The following CNNM1 variants were observed in gnomAD, a reference collection of about 807,000 sequenced individuals.
The protein encoded by CNNM1 is metal transporter CNNM1.
A neutral mutation model predicts 78.8 loss-of-function variants in CNNM1; 44 were observed. That is an observed-to-expected ratio of 0.56 (90% CI 0.44 to 0.72). The LOEUF is 0.72. Ranked by LOEUF, CNNM1 falls within the 30% of genes least tolerant of loss-of-function variation. The pLI is 0.00. For missense variants in CNNM1, 1,101 were observed against 1,292.2 expected (o/e 0.85, Z 2.27); for synonymous variants, 584 against 581.5 (o/e 1.00, Z -0.06).
chr10:99,385,187 C>T (rs1337610407), intron 7 of CNNM1, among the ~76,000 whole-genome samples: 2 of 152,166 alleles, frequency 1.3e-5, no homozygotes, highest in Non-Finnish European at 2.9e-5. Flanking sequence ...AGACTTCCAG[C>T]CTGGGGGACG....
At chr10:99,366,222 G>C (rs896146817) in intron 6 of CNNM1, among the ~76,000 whole-genome samples, 5 of 152,124 alleles carry the variant, frequency 3.3e-5, no homozygotes, top group Admixed American at 2.0e-4. Flanking sequence ...TCTCAATCAA[G>C]GTTGATGAAG....
At position 99,362,307 on chromosome 10, in the gene CNNM1, C is replaced by A; in HGVS notation, c.1939C>A (p.Leu647Met). Reference protein sequence around the residue: ...LLKHPNVIQELKFDEKNKKAP... With the variant: ...LLKHPNVIQEMKFDEKNKKAP... ...GAAACATCCCAACGTGATCCAGGAGCTGAAGTTTGATGAGAAGAACAAGAA... is the reference window on the plus strand; with the variant it reads ...GAAACATCCCAACGTGATCCAGGAGATGAAGTTTGATGAGAAGAACAAGAA... The change falls in exon 4 of 11, where the codon CTG becomes ATG. Residue 647 changes from leucine (L) to methionine (M), a missense_variant. By Grantham distance (15) the Leu-to-Met change is conservative (BLOSUM62 2). This residue lies in a region of CNNM1 where 277 missense variants were observed against 423.2 expected (regional missense o/e 0.65). Transcript: ENST00000356713. 6.2e-7 allele frequency: 1 copy of A among 1,614,000 alleles called. No individual in the cohort carries two copies.
intron 6 of CNNM1, among the ~76,000 whole-genome samples, chr10:99,376,727 C>A (rs2031972923): frequency 6.6e-6 from 1 of 152,150 alleles, no homozygotes; most frequent in African/African-American, 2.4e-5. Flanking sequence ...TGTGAACCAC[C>A]CGTCCCCCCT....
In CNNM1 at chr10:99,329,854, G is replaced by C. The variant is rs1311895875; in HGVS notation, c.467G>C (p.Gly156Ala). The C allele has an allele frequency of 7.1e-7, 1 of 1,415,232 alleles. No individual in the cohort carries two copies. The highest frequency in any genetic ancestry group is 1.5e-5 in the African/African-American group (1 of 66,132). 87.7% of individuals were successfully genotyped at this position (1,415,232 alleles called of 1,614,324 possible). A position where few individuals can be genotyped will look rare whatever the true frequency, so the allele number is the denominator to read the frequency against. The change falls in exon 1 of 11, where the codon GGC (glycine) becomes GCC (alanine). Residue 156 changes from glycine to alanine, a missense_variant. Coordinates refer to ENST00000356713, the MANE Select transcript of CNNM1 (RefSeq NM_020348.3). ...CCCTTGCGTCCCGGGGGCGTGGCAG[G>C]CTCGGCCCTGGTCCAGGTGCGAGTG... ...LGPLRPGGVA[G>A]SALVQVRVRE...
chr10:99,373,508 C>T (rs757204883), intron 6 of CNNM1, among the ~76,000 whole-genome samples: 8 of 152,188 alleles, frequency 5.3e-5, no homozygotes, highest in Non-Finnish European at 1.0e-4. Flanking sequence ...CCAGCCACCA[C>T]CCTAAAACAG....
chr10:99,387,537 C>A (rs1420801760), intron 7 of CNNM1, among the ~76,000 whole-genome samples: 1 of 152,250 alleles, frequency 6.6e-6, no homozygotes, highest in Non-Finnish European at 1.5e-5. Context: ...CCACCCTGCT[C>A]TCAGAAGATG....
Position 99,377,122 on chromosome 10 carries a change from C to T in CNNM1, c.2244C>T (p.Asp748=), listed in dbSNP as rs867713508. ...AGTCTCCAAACCGAGAGCGCAGTGA[C>T]TTTGGGGGCAGCAACACCCAGCTGT... ...RSESPNRERS[D]FGGSNTQLYS... is the part of the protein sequence containing the mutation. The change falls in exon 7 of 11, where the codon GAC becomes GAT. Residue 748 remains aspartate, a synonymous_variant. Transcript: ENST00000356713. The T allele has an allele frequency of 1.9e-6, 3 of 1,610,550 alleles. No homozygotes were observed. Among genetic ancestry groups the T allele is most frequent in the Middle Eastern group, 3.3e-4 (2 of 6,058 alleles).
intron 7 of CNNM1, among the ~76,000 whole-genome samples, chr10:99,386,286 T>A (rs2032302280): frequency 6.6e-6 from 1 of 152,158 alleles, no homozygotes; most frequent in South Asian, 2.1e-4. Flanking sequence ...CAAAGTGTGA[T>A]CTCCAGACTA....
intron 7 of CNNM1, among the ~76,000 whole-genome samples, chr10:99,386,284 G>A (rs547330897): frequency 3.9e-5 from 6 of 152,262 alleles, no homozygotes; most frequent in African/African-American, 1.4e-4. Context: ...CTCAAAGTGT[G>A]ATCTCCAGAC....
intron 1 of CNNM1, among the ~76,000 whole-genome samples, chr10:99,345,977 C>G (rs899290042): frequency 3.9e-5 from 6 of 151,980 alleles, no homozygotes; most frequent in Admixed American, 2.6e-4. Flanking sequence ...TTATGAGCCA[C>G]CACCCTTGAT....
At chr10:99,375,995 A>C (rs2031949023) in intron 6 of CNNM1, among the ~76,000 whole-genome samples, 1 of 152,234 alleles carries the variant, frequency 6.6e-6, no homozygotes, top group Non-Finnish European at 1.5e-5. Context: ...TTTTCCAAGA[A>C]GTATTTCTTT....
rs1029146865 is a variant in CNNM1, at chr10:99,383,518, C to T, written c.2341-4302C>T. The stretch of plus-strand genomic sequence containing the variant: ...CGAACTCCTGACCTTGTGATCCGCC[C>T]GCCTCGGCCTCCCAAAGTGCTGGGA... On this transcript the variant is annotated intron_variant, in intron 7 of 10. Coordinates refer to ENST00000356713, the MANE Select transcript of CNNM1 (RefSeq NM_020348.3). Among the ~76,000 whole-genome samples the T allele has an allele frequency of 7.2e-5, 11 of 152,244 alleles. No homozygotes were observed. In the South Asian group the frequency reaches 8.3e-4, roughly 11 times the overall value.
chr10:99,388,510 G>A (rs1207792235), intron 9 of CNNM1, among the ~76,000 whole-genome samples: 1 of 152,210 alleles, frequency 6.6e-6, no homozygotes, highest in Non-Finnish European at 1.5e-5. Flanking sequence ...TAGGAAAACT[G>A]TGTAGGGCAG....
chr10:99,371,048 T>A (rs1589912549), intron 6 of CNNM1, among the ~76,000 whole-genome samples: 1 of 152,190 alleles, frequency 6.6e-6, no homozygotes, highest in African/African-American at 2.4e-5. Context: ...TAGATCCTGC[T>A]CTCCACCTAC....
At chr10:99,359,223 T>C (rs2134046174) in intron 2 of CNNM1, among the ~76,000 whole-genome samples, 1 of 151,040 alleles carries the variant, frequency 6.6e-6, no homozygotes, top group South Asian at 2.1e-4. Context: ...AATGCCATGT[T>C]AAGTGGCAAT....
rs938558819 is a variant in CNNM1, at chr10:99,338,444, A to G, written c.1573+7484A>G. On this transcript the variant is annotated intron_variant, in intron 1 of 10. Transcript: ENST00000356713. ...CAGGCATGTGCCACCATGCCCGGCTAAATTTTTGTATTTTAGTAGAGACGA... is the reference window on the plus strand; with the variant it reads ...CAGGCATGTGCCACCATGCCCGGCTGAATTTTTGTATTTTAGTAGAGACGA... 2.6e-5 allele frequency among the ~76,000 whole-genome samples: 4 copies of G among 152,068 alleles called. No homozygotes were observed. The East Asian group carries it at 5.8e-4, about 22-fold the overall frequency.
chr10:99,347,657 G>A (rs1291260578), intron 1 of CNNM1, among the ~76,000 whole-genome samples: 1 of 146,812 alleles, frequency 6.8e-6, no homozygotes, highest in Non-Finnish European at 1.5e-5. Context: ...TCCTTACAAA[G>A]GCCTTCCTGG....
At position 99,362,247 on chromosome 10, in the gene CNNM1, C is replaced by G. The variant is rs2031459817; in HGVS notation, c.1879C>G (p.Leu627Val). The G allele has an allele frequency of 1.9e-6, 3 of 1,613,284 alleles. No individual in the cohort carries two copies. The East Asian group carries it at 6.7e-5, about 36-fold the overall frequency. ...MATEVEPFKS[L>V]YLSEKILLRL... ...TCTAGAAGTGGAGCCCTTTAAGTCT[C>G]TGTACCTTTCGGAGAAGATCCTGCT... is the stretch of plus-strand genomic sequence containing the variant. The change falls in exon 4 of 11, where the codon CTG (leucine) becomes GTG (valine). Residue 627 changes from leucine to valine, a missense_variant. This residue lies in a region of CNNM1 where 277 missense variants were observed against 423.2 expected (regional missense o/e 0.65). Coordinates refer to ENST00000356713, the MANE Select transcript of CNNM1 (RefSeq NM_020348.3).
At chr10:99,383,519 G>A (rs554404046) in intron 7 of CNNM1, among the ~76,000 whole-genome samples, 4 of 152,216 alleles carry the variant, frequency 2.6e-5, no homozygotes, top group East Asian at 1.9e-4. Flanking sequence ...TGATCCGCCC[G>A]CCTCGGCCTC....
Sources: allele counts gnomAD v4.1 joint callset (sites outside exome capture counted in the v4.1 genomes callset), GRCh38; gene constraint gnomAD v4.1.1; regional missense constraint gnomAD v4.1.1; transcripts MANE v1.5; gene names NCBI Gene and HGNC (gene_info 2026-07-23, HGNC 2026-07-21).